Variants in DHRS3 observed in about 807,000 individuals in gnomAD.
DHRS3 encodes the protein dehydrogenase/reductase 3.
DHRS3 carries 14 observed loss-of-function variants against 27.2 expected under a neutral mutation model. The observed-to-expected ratio is 0.52, with a 90% CI of 0.34 to 0.81. The LOEUF (loss-of-function observed/expected upper bound fraction) is 0.81. DHRS3 is among the 30% of genes least tolerant of loss of function. The probability of loss-of-function intolerance (pLI) is 0.01; values close to 1 mark genes in which losing one functional copy is unlikely to be tolerated. For missense variants in DHRS3, 322 were observed against 406.2 expected, an observed-to-expected ratio of 0.79 and a Z score of 1.78; for synonymous variants, 165 against 175.9, an observed-to-expected ratio of 0.94 and a Z score of 0.49.
At position 12,608,191 on chromosome 1, in the gene DHRS3, T is replaced by C. The variant is rs1026946539; in HGVS notation, c.195+8963A>G. Reference sequence around the variant, plus strand: ...TGTGCCTGGCCTATATTTTTTATTTTCATCCTTTAATTCCATTTTCCACCA... The same window carrying C: ...TGTGCCTGGCCTATATTTTTTATTTCCATCCTTTAATTCCATTTTCCACCA... On this transcript the variant is annotated intron_variant, in intron 1 of 5. Transcript: ENST00000616661. The surrounding 1 kb of genome is among the most constrained non-coding windows in gnomAD (Gnocchi z 4.1). Among the ~76,000 whole-genome samples, 2 of 152,176 alleles carry C rather than the reference T, an allele frequency of 1.3e-5. No individual in the cohort carries two copies. Among genetic ancestry groups the C allele is most frequent in the Non-Finnish European group, 2.9e-5 (2 of 68,042 alleles).
chr1:12,617,303 TCTGTAGAGGGAACATCAC>T lies in DHRS3; in HGVS notation c.28_45del (p.Val10_Gln15del). The T allele has an allele frequency of 6.2e-7, 1 of 1,613,136 alleles. No individual in the cohort carries two copies. Among genetic ancestry groups the T allele is most frequent in the Non-Finnish European group, 8.5e-7 (1 of 1,179,584 alleles). ...GCTGCTTTCACCACCAGATAGATCA[TCTGTAGAGGGAACATCAC>T]CAGCGCGCCCAGCCGTTTCCACACC... On this transcript the variant is annotated inframe_deletion, in exon 1 of 6. Coordinates refer to ENST00000616661, the MANE Select transcript of DHRS3 (RefSeq NM_004753.7).
intron 1 of DHRS3, among the ~76,000 whole-genome samples, chr1:12,609,447 C>T (rs7548227): frequency 0.51 from 77,714 of 151,964 alleles, 20,140 homozygotes; most frequent in Non-Finnish European, 0.55. Context: ...AGTGGCACCC[C>T]GGACTGCCTA....
chr1:12,569,294 AGAGT>A (rs112954322), intron 5 of DHRS3, among the ~76,000 whole-genome samples: 30,910 of 151,036 alleles, frequency 0.2, 3,546 homozygotes, highest in East Asian at 0.43. Flanking sequence ...AAAAAGGCAG[AGAGT>A]GAGTGAGTGG....
At chr1:12,611,934 A>AAAATAAATAAATAAAT (rs138133904) in intron 1 of DHRS3, among the ~76,000 whole-genome samples, 3,555 of 144,784 alleles carry the variant, frequency 0.025, 77 homozygotes, top group African/African-American at 0.049. Flanking sequence ...CTCTATTTTT[A>AAAATAAATAAATAAAT]AAATAAATAA....
In DHRS3 at chr1:12,580,440, C is replaced by A. The variant is rs776164772; in HGVS notation, c.339+83G>T. The A allele has an allele frequency of 2.5e-6, 4 of 1,598,852 alleles. No homozygotes were observed. The East Asian group carries it at 9.0e-5, about 36-fold the overall frequency. ...ATTCTGCCATAAGCAGAGCTCTCTTCCAGGCCACATGAGAATGTTCTCTTT... is the reference window on the plus strand; with the variant it reads ...ATTCTGCCATAAGCAGAGCTCTCTTACAGGCCACATGAGAATGTTCTCTTT... On this transcript the variant is annotated intron_variant, in intron 2 of 5. Transcript: ENST00000616661.
chr1:12,569,213 G>C (rs1172465803), intron 5 of DHRS3, among the ~76,000 whole-genome samples: 1 of 44,084 alleles, frequency 2.3e-5, no homozygotes, highest in Non-Finnish European at 3.5e-5. Flanking sequence ...GTAAAACTCT[G>C]TCCCCTCTCT....
intron 1 of DHRS3, chr1:12,595,994 G>C (rs1258260693): frequency 6.6e-6 from 1 of 152,304 alleles, no homozygotes; most frequent in Non-Finnish European, 1.5e-5. Flanking sequence ...ACCTGTGGCT[G>C]AACCCGGAGC....
At chr1:12,595,097 G>A (rs977470174) in intron 1 of DHRS3, among the ~76,000 whole-genome samples, 3 of 152,168 alleles carry the variant, frequency 2.0e-5, no homozygotes, top group South Asian at 2.1e-4. Flanking sequence ...AGGGAGGGGA[G>A]GGGAGGCGGT....
At chr1:12,598,998 C>G (rs1646818108) in intron 1 of DHRS3, among the ~76,000 whole-genome samples, 1 of 152,228 alleles carries the variant, frequency 6.6e-6, no homozygotes, top group Non-Finnish European at 1.5e-5. Flanking sequence ...CTGGTAGGCT[C>G]AATCACACAC....
intron 1 of DHRS3, 23 bp from the exon 2 acceptor site, chr1:12,580,689 C>T: frequency 6.2e-7 from 1 of 1,602,774 alleles, no homozygotes; most frequent in Non-Finnish European, 8.5e-7. Context: ...AATAACAACG[C>T]AGAACAAATG....
At position 12,569,231 on chromosome 1, in the gene DHRS3, TCACACACA is replaced by T. The variant is rs57427000; in HGVS notation, c.825-815_825-808del. ...AAACTCTGTCCCCTCTCTCTCTCTC[TCACACACA>T]CACACACACACACACACACACACTC... On this transcript the variant is annotated intron_variant, in intron 5 of 5. Transcript: ENST00000616661. Among the ~76,000 whole-genome samples, 324 of 110,582 alleles carry T rather than the reference TCACACACA, an allele frequency of 2.9e-3. 1 individual carries two copies. The highest frequency in any genetic ancestry group is 5.9e-3 in the South Asian group (20 of 3,372). 72.5% of individuals were successfully genotyped at this position (110,582 alleles called of 152,430 possible).
At chr1:12,616,815 A>C in intron 1 of DHRS3, 11 of 839,280 alleles carry the variant, frequency 1.3e-5, no homozygotes, top group Non-Finnish European at 1.4e-5. Context: ...GCGGCAAGAA[A>C]AAGGGGGGAA....
At position 12,617,275 on chromosome 1, in the gene DHRS3, A is replaced by T; in HGVS notation, c.74T>A (p.Val25Asp). ...QMIYLVVKAA[V>D]GLVLPAKLRD... ...CAGCTTGGCGGGCAGCACCAGTCCG[A>T]CGGCTGCTTTCACCACCAGATAGAT... Residue 25 changes from valine to aspartate, a missense_variant, in exon 1 of 6, where the codon GTC becomes GAC. Val to Asp is a radical substitution (Grantham distance 152, BLOSUM62 -3). Transcript: ENST00000616661. The T allele has an allele frequency of 6.2e-7, 1 of 1,613,778 alleles. No homozygotes were observed. Among genetic ancestry groups the T allele is most frequent in the Non-Finnish European group, 8.5e-7 (1 of 1,179,980 alleles).
chr1:12,612,946 G>C (rs1185413213), intron 1 of DHRS3, among the ~76,000 whole-genome samples: 1 of 152,100 alleles, frequency 6.6e-6, no homozygotes, highest in African/African-American at 2.4e-5. Context: ...TGTAATCCCA[G>C]CTACTCGGAA....
chr1:12,616,388 G>T (rs1168188286), intron 1 of DHRS3, among the ~76,000 whole-genome samples: 1 of 151,988 alleles, frequency 6.6e-6, no homozygotes, highest in East Asian at 1.9e-4. Context: ...TCCAAAACCT[G>T]GAGCAAGGGG....
chr1:12,610,797 T>A (rs895739700), intron 1 of DHRS3, among the ~76,000 whole-genome samples: 3 of 152,226 alleles, frequency 2.0e-5, no homozygotes, highest in African/African-American at 7.2e-5. Context: ...GTTTCAAGTA[T>A]CTTATGGACT....
chr1:12,581,561 G>A (rs999694889), intron 1 of DHRS3, among the ~76,000 whole-genome samples: 2 of 152,130 alleles, frequency 1.3e-5, no homozygotes, highest in African/African-American at 2.4e-5. Context: ...GACTCATTAC[G>A]CCAGAAGGTG....
chr1:12,598,606 A>G (rs970485308), intron 1 of DHRS3, among the ~76,000 whole-genome samples: 1 of 152,132 alleles, frequency 6.6e-6, no homozygotes, highest in East Asian at 1.9e-4. Flanking sequence ...GGTAACTATC[A>G]CTGTGATTAC....
chr1:12,570,503 G>A (rs976442270), intron 5 of DHRS3, among the ~76,000 whole-genome samples: 4 of 152,198 alleles, frequency 2.6e-5, no homozygotes, highest in African/African-American at 9.7e-5. Context: ...GGTGGTATTA[G>A]AGTTGAGCCT....
Sources: allele counts gnomAD v4.1 joint callset (sites outside exome capture counted in the v4.1 genomes callset), GRCh38; gene constraint gnomAD v4.1.1; non-coding constraint Gnocchi (gnomAD v3.1); transcripts MANE v1.5; gene names NCBI Gene and HGNC (gene_info 2026-07-23, HGNC 2026-07-21).